Variants in NBEA observed in about 807,000 individuals in gnomAD.
NBEA encodes the protein neurobeachin, also known as lysosomal-trafficking regulator 2.
NBEA carries 44 observed loss-of-function variants against 343.4 expected under a neutral mutation model. The ratio of observed to expected loss-of-function variants is 0.13; its 90% CI spans 0.10 to 0.16. NBEA has a LOEUF of 0.16. NBEA is among the 10% of genes least tolerant of loss of function. The pLI is 1.00. For synonymous variants in NBEA, 1,175 were observed against 1,238.7 expected, an observed-to-expected ratio of 0.95 and a Z score of 1.08; for missense variants, 2,555 against 3,631.3, an observed-to-expected ratio of 0.70 and a Z score of 7.62.
chr13:35,421,089 A>G (rs1442060397), intron 38 of NBEA, among the ~76,000 whole-genome samples: 1 of 151,386 alleles, frequency 6.6e-6, no homozygotes, highest in African/African-American at 2.4e-5. Flanking sequence ...CTGATTTTAA[A>G]TGTTTCTTCT....
intron 41 of NBEA, among the ~76,000 whole-genome samples, chr13:35,533,477 A>G (rs2078369894): frequency 1.3e-5 from 2 of 152,186 alleles, no homozygotes; most frequent in South Asian, 2.1e-4. Flanking sequence ...CTCCCAACCT[A>G]AGTTAATTTC....
At chr13:35,627,994 A>G (rs952803887) in intron 48 of NBEA, 87 bp from the exon 49 acceptor site, 7 of 963,556 alleles carry the variant, frequency 7.3e-6, no homozygotes, top group Middle Eastern at 2.5e-4. Flanking sequence ...TCCTTTTTAT[A>G]TATATTTCAA....
intron 38 of NBEA, among the ~76,000 whole-genome samples, chr13:35,355,565 G>A (rs138060045): frequency 2.0e-3 from 301 of 152,214 alleles, no homozygotes; most frequent in African/African-American, 6.4e-3. Flanking sequence ...TCTTTTGAAC[G>A]CTTGCTGCAG....
intron 26 of NBEA, among the ~76,000 whole-genome samples, chr13:35,172,168 C>T (rs917177106): frequency 6.6e-6 from 1 of 151,952 alleles, no homozygotes; most frequent in Non-Finnish European, 1.5e-5. Context: ...TGTTTTCACC[C>T]ATAACTTTTA....
intron 41 of NBEA, among the ~76,000 whole-genome samples, chr13:35,521,306 A>G (rs577363839): frequency 6.6e-6 from 1 of 152,326 alleles, no homozygotes; most frequent in East Asian, 1.9e-4. Context: ...GCAAAATGCG[A>G]TAGGCTTTAA....
intron 44 of NBEA, among the ~76,000 whole-genome samples, chr13:35,562,246 A>G (rs2079889250): frequency 1.3e-5 from 2 of 152,166 alleles, no homozygotes; most frequent in East Asian, 1.9e-4. Flanking sequence ...TGATTGTGTA[A>G]AATAATCTTA....
rs780543914 is a variant in NBEA, at chr13:35,161,767, T to C, written c.3879T>C (p.Ser1293=). 1.2e-6 allele frequency: 2 copies of C among 1,611,248 alleles called. No homozygotes were observed. The highest frequency in any genetic ancestry group is 1.7e-5 in the Admixed American group (1 of 59,718). The change falls in exon 23 of 59, where the codon TCT becomes TCC. Residue 1293 remains serine (S), a synonymous_variant. Coordinates refer to ENST00000379939, the MANE Select transcript of NBEA (RefSeq NM_001385012.1). The part of the protein sequence containing the change: ...TTTTQAVQGR[S]ITQQDRDLRV... Reference sequence around the variant, plus strand: ...TTCTTTAGGCTGTGCAGGGTCGGTCTATCACCCAACAAGACCGAGATCTCC... The same window carrying C: ...TTCTTTAGGCTGTGCAGGGTCGGTCCATCACCCAACAAGACCGAGATCTCC...
At chr13:35,644,358 A>G (rs2084115529) in intron 49 of NBEA, among the ~76,000 whole-genome samples, 1 of 152,212 alleles carries the variant, frequency 6.6e-6, no homozygotes, top group Non-Finnish European at 1.5e-5. Context: ...GACTCACTGA[A>G]GAGAACTGCA....
At chr13:35,576,298 G>A (rs2080738877) in intron 45 of NBEA, among the ~76,000 whole-genome samples, 1 of 151,608 alleles carries the variant, frequency 6.6e-6, no homozygotes, top group Admixed American at 6.6e-5. Context: ...TGTATTTTTA[G>A]TAGAGATGGG....
chr13:34,998,353 C>T (rs1025799624), intron 1 of NBEA, among the ~76,000 whole-genome samples: 20 of 152,176 alleles, frequency 1.3e-4, no homozygotes, highest in African/African-American at 4.6e-4. Context: ...TTCAGGCAGG[C>T]ATTGTCATTG....
intron 34 of NBEA, among the ~76,000 whole-genome samples, chr13:35,248,092 A>G (rs1463550564): frequency 2.6e-5 from 4 of 152,332 alleles, no homozygotes; most frequent in Admixed American, 2.0e-4. Flanking sequence ...ACAGGATAGA[A>G]TATTTGCAAA....
chr13:34,985,523 G>A (rs2060513326), intron 1 of NBEA, among the ~76,000 whole-genome samples: 1 of 150,994 alleles, frequency 6.6e-6, no homozygotes, highest in African/African-American at 2.4e-5. Context: ...TCTCTGAACA[G>A]GCTTTGGTAT....
intron 10 of NBEA, among the ~76,000 whole-genome samples, chr13:35,090,040 C>T (rs1164104923): frequency 2.4e-5 from 3 of 122,822 alleles, no homozygotes; most frequent in African/African-American, 8.6e-5. Flanking sequence ...TGCACATGTA[C>T]CCTAAAACTT....
chr13:35,323,218 A>G (rs997855203), intron 36 of NBEA, among the ~76,000 whole-genome samples: 1 of 152,180 alleles, frequency 6.6e-6, no homozygotes, highest in Non-Finnish European at 1.5e-5. Context: ...TACTGGGTAT[A>G]TACCCAAAGG....
intron 28 of NBEA, chr13:35,179,666 C>A: frequency 2.1e-6 from 1 of 485,796 alleles, no homozygotes; most frequent in Non-Finnish European, 2.7e-6. Flanking sequence ...AGTTGGCATT[C>A]ATTCATTCAT....
intron 38 of NBEA, among the ~76,000 whole-genome samples, chr13:35,354,275 G>A (rs2040369589): frequency 6.6e-6 from 1 of 152,044 alleles, no homozygotes. Context: ...CAGCTGAATT[G>A]GGTTTATCTA....
chr13:35,102,319 A>G (rs2065684942), intron 11 of NBEA, among the ~76,000 whole-genome samples: 2 of 151,684 alleles, frequency 1.3e-5, no homozygotes, highest in Non-Finnish European at 3.0e-5. Flanking sequence ...TAATTTGTAT[A>G]GCTTTTTAGT....
chr13:35,077,916 G>C (rs1179825201), intron 10 of NBEA, among the ~76,000 whole-genome samples: 1 of 152,130 alleles, frequency 6.6e-6, no homozygotes, highest in Non-Finnish European at 1.5e-5. Context: ...ATGAATAAAA[G>C]GTGCTACAAA....
intron 13 of NBEA, among the ~76,000 whole-genome samples, chr13:35,114,423 T>C (rs2066394691): frequency 6.6e-6 from 1 of 152,222 alleles, no homozygotes; most frequent in Non-Finnish European, 1.5e-5. Flanking sequence ...ACACACGGCA[T>C]AACCTTCTCA....
Sources: allele counts gnomAD v4.1 joint callset (sites outside exome capture counted in the v4.1 genomes callset), GRCh38; gene constraint gnomAD v4.1.1; transcripts MANE v1.5; gene names NCBI Gene and HGNC (gene_info 2026-07-23, HGNC 2026-07-21).